Variants in GRAMD2B observed in about 807,000 individuals in gnomAD.
The protein encoded by GRAMD2B is GRAM domain containing 2B, also known as GRAM domain-containing protein 2B.
GRAMD2B carries 41 observed loss-of-function variants against 59.2 expected under a neutral mutation model. The observed-to-expected ratio is 0.69, with a 90% CI of 0.54 to 0.90. The LOEUF (loss-of-function observed/expected upper bound fraction) is 0.90, where lower values mean the gene tolerates loss of function less well. Among genes scored for constraint, GRAMD2B ranks in the 40% least tolerant of loss-of-function variants. The pLI is 0.00. For synonymous variants in GRAMD2B, 161 were observed against 182.7 expected (o/e 0.88, Z 0.96); for missense variants, 424 against 500.5 (o/e 0.85, Z 1.46).
At chr5:126,360,172 T>G in exon 1 of GRAMD2B, 2 of 759,156 alleles carry the variant, frequency 2.6e-6, no homozygotes, top group Admixed American at 2.8e-5. Context: ...GTGCCATCCC[T>G]CTGAGCAGAC....
intron 2 of GRAMD2B, among the ~76,000 whole-genome samples, chr5:126,468,633 G>A (rs1248483551): frequency 1.3e-5 from 2 of 151,858 alleles, no homozygotes; most frequent in Admixed American, 6.6e-5. Context: ...GACTACAGGC[G>A]CCCACCATCA....
intron 1 of GRAMD2B, among the ~76,000 whole-genome samples, chr5:126,442,364 C>A (rs1448111727): frequency 1.3e-5 from 2 of 149,964 alleles, no homozygotes; most frequent in African/African-American, 2.5e-5. Context: ...GATGTGGGCT[C>A]ACTGCAACCT....
chr5:126,461,157 C>T (rs1767281083), intron 1 of GRAMD2B, among the ~76,000 whole-genome samples: 1 of 152,088 alleles, frequency 6.6e-6, no homozygotes, highest in Non-Finnish European at 1.5e-5. Context: ...TAGCTTCTAC[C>T]TTCAGCTACT....
At chr5:126,398,398 G>T (rs1041165263) in intron 1 of GRAMD2B, among the ~76,000 whole-genome samples, 1 of 151,982 alleles carries the variant, frequency 6.6e-6, no homozygotes, top group African/African-American at 2.4e-5. Flanking sequence ...AATTTACCCA[G>T]TTTTTTGGCA....
At chr5:126,480,313 G>A (rs1581238317) in intron 6 of GRAMD2B, 143 bp from the exon 7 acceptor site, 1 of 590,300 alleles carries the variant, frequency 1.7e-6, no homozygotes. Context: ...GAATGTTTGA[G>A]TGAGAGGAAT....
intron 1 of GRAMD2B, among the ~76,000 whole-genome samples, chr5:126,385,501 C>G (rs6595700): frequency 0.96 from 146,047 of 152,342 alleles, 70,021 homozygotes; most frequent in East Asian, 1. Flanking sequence ...AAAGAGATAA[C>G]CATTTACTTA....
chr5:126,376,480 C>T (rs1023613), intron 1 of GRAMD2B, among the ~76,000 whole-genome samples: 116,672 of 152,142 alleles, frequency 0.77, 46,737 homozygotes, highest in Non-Finnish European at 0.88. Context: ...GTTTGCCCTT[C>T]TTTCCTTCTG....
intron 1 of GRAMD2B, among the ~76,000 whole-genome samples, chr5:126,400,032 G>A (rs531501657): frequency 1.3e-3 from 192 of 150,746 alleles, no homozygotes; most frequent in African/African-American, 4.4e-3. Context: ...CTGTTTTATG[G>A]TTCCTTTGTT....
At chr5:126,369,131 C>T (rs1390293659), upstream of GRAMD2B, among the ~76,000 whole-genome samples, 1 of 152,196 alleles carries the variant, frequency 6.6e-6, no homozygotes, top group Non-Finnish European at 1.5e-5. Flanking sequence ...TGTTCATGAG[C>T]ACTACTCCTT....
intron 1 of GRAMD2B, among the ~76,000 whole-genome samples, chr5:126,389,141 A>G (rs568873079): frequency 1.1e-4 from 17 of 152,332 alleles, no homozygotes; most frequent in African/African-American, 3.8e-4. Flanking sequence ...TGTCGTCTAC[A>G]TAACTTATCA....
intron 1 of GRAMD2B, among the ~76,000 whole-genome samples, chr5:126,378,071 A>T (rs962374275): frequency 1.3e-5 from 2 of 152,136 alleles, no homozygotes; most frequent in East Asian, 1.9e-4. Flanking sequence ...CTTTATCAGA[A>T]TTCTTGTGTT....
chr5:126,389,731 T>C (rs1365386150), intron 1 of GRAMD2B, among the ~76,000 whole-genome samples: 1 of 152,144 alleles, frequency 6.6e-6, no homozygotes, highest in Admixed American at 6.6e-5. Flanking sequence ...GTGGATCACC[T>C]GAAGTCAGGA....
chr5:126,360,595 T>A (rs1754174944), intron 1 of GRAMD2B: 2 of 820,486 alleles, frequency 2.4e-6, no homozygotes, highest in Admixed American at 3.1e-5. Context: ...ACTGGGGGAG[T>A]TTTCCTTGTT....
At chr5:126,397,911 A>G (rs989356492) in intron 1 of GRAMD2B, among the ~76,000 whole-genome samples, 5 of 150,982 alleles carry the variant, frequency 3.3e-5, no homozygotes, top group African/African-American at 1.2e-4. Flanking sequence ...TCCCTCTTCT[A>G]TTTTTTTGGA....
chr5:126,425,612 A>C (rs902241485), intron 1 of GRAMD2B, among the ~76,000 whole-genome samples: 1 of 151,982 alleles, frequency 6.6e-6, no homozygotes, highest in African/African-American at 2.4e-5. Context: ...ACAGACAAAA[A>C]AAAATAAGTT....
chr5:126,379,882 C>A (rs1755514532), intron 1 of GRAMD2B, among the ~76,000 whole-genome samples: 1 of 152,148 alleles, frequency 6.6e-6, no homozygotes, highest in Non-Finnish European at 1.5e-5. Flanking sequence ...CTGATTATTT[C>A]TTTTGCTTTT....
chr5:126,472,634 TAGA>T (rs1769835486), intron 4 of GRAMD2B, among the ~76,000 whole-genome samples: 1 of 149,530 alleles, frequency 6.7e-6, no homozygotes, highest in South Asian at 2.1e-4. Context: ...GAGAGGCCAC[TAGA>T]AGAAGGCTAA....
chr5:126,472,679 C>T (rs1220570979), intron 4 of GRAMD2B, among the ~76,000 whole-genome samples: 1 of 152,158 alleles, frequency 6.6e-6, no homozygotes, highest in Non-Finnish European at 1.5e-5. Flanking sequence ...CATGGACAGA[C>T]ATGTGCTGAT....
At chr5:126,486,796 A>G (rs764945449) in intron 11 of GRAMD2B, 77 bp from the exon 12 acceptor site, 90 of 836,354 alleles carry the variant, frequency 1.1e-4, no homozygotes, top group Non-Finnish European at 1.8e-4. Context: ...GGTGTACCAC[A>G]TTGGCACTGA....
Sources: gnomAD v4.1 joint callset for allele counts (sites outside exome capture counted in the v4.1 genomes callset) on GRCh38, gnomAD v4.1.1 for gene constraint, MANE v1.5 for transcripts, NCBI Gene and HGNC (gene_info 2026-07-23, HGNC 2026-07-21) for gene names.